Variants in CDH8 observed in about 807,000 individuals in gnomAD.
CDH8 encodes cadherin 8.
Under a neutral mutation model 68.1 loss-of-function variants are expected in CDH8, and 17 were observed. That is an observed-to-expected ratio of 0.25 (90% CI 0.17 to 0.37). The LOEUF (loss-of-function observed/expected upper bound fraction) is 0.37. Ranked by LOEUF, CDH8 falls within the 10% of genes least tolerant of loss-of-function variation. CDH8 has a pLI of 1.00. For missense variants in CDH8, 763 were observed against 999.3 expected, an observed-to-expected ratio of 0.76 and a Z score of 3.19; for synonymous variants, 372 against 365.1, an observed-to-expected ratio of 1.02 and a Z score of -0.21.
intron 10 of CDH8, chr16:61,692,174 G>A (rs1964237894): frequency 1.3e-5 from 2 of 152,102 alleles, no homozygotes; most frequent in Admixed American, 1.3e-4. Flanking sequence ...ATGTTTTTAT[G>A]AGAGTCACTC....
At chr16:61,729,200 C>T (rs949092259) in intron 8 of CDH8, among the ~76,000 whole-genome samples, 8 of 151,034 alleles carry the variant, frequency 5.3e-5, no homozygotes, top group Non-Finnish European at 1.5e-5. Flanking sequence ...GCATCAACTT[C>T]AAAATGTGAT....
chr16:61,767,013 A>G (rs1466683912), intron 8 of CDH8, among the ~76,000 whole-genome samples: 1 of 151,928 alleles, frequency 6.6e-6, no homozygotes, highest in East Asian at 1.9e-4. Context: ...TGGGCATTCT[A>G]TGCAGCAAGC....
chr16:62,034,052 G>A (rs995021357), intron 1 of CDH8, among the ~76,000 whole-genome samples: 2 of 152,158 alleles, frequency 1.3e-5, no homozygotes, highest in African/African-American at 2.4e-5. Context: ...GGAAAAACAT[G>A]TCTGGACATG....
At chr16:62,025,033 G>T (rs1902164132) in intron 1 of CDH8, among the ~76,000 whole-genome samples, 1 of 152,100 alleles carries the variant, frequency 6.6e-6, no homozygotes. Flanking sequence ...GTCTTAGAAG[G>T]TTTAAAAGAA....
chr16:61,769,422 T>C (rs1413598444), intron 8 of CDH8, among the ~76,000 whole-genome samples: 3 of 151,900 alleles, frequency 2.0e-5, no homozygotes, highest in Non-Finnish European at 4.4e-5. Context: ...ATGAGTACTT[T>C]GACTAACATT....
At chr16:61,720,541 T>C (rs992082170) in intron 9 of CDH8, among the ~76,000 whole-genome samples, 5 of 150,960 alleles carry the variant, frequency 3.3e-5, no homozygotes, top group Admixed American at 2.7e-4. Flanking sequence ...GAATAAAACG[T>C]GAAATTTGTA....
intron 3 of CDH8, among the ~76,000 whole-genome samples, chr16:61,894,257 T>TAAGAAATTCTATA (rs1963831084): frequency 6.6e-6 from 1 of 152,178 alleles, no homozygotes; most frequent in Non-Finnish European, 1.5e-5. Flanking sequence ...AGACAAATCT[T>TAAGAAATTCTATA]AAGAAATTCT....
Position 61,906,710 on chromosome 16 carries a change from A to G in CDH8, c.253-5237T>C, listed in dbSNP as rs1338608818. Among the ~76,000 whole-genome samples, 2 of 152,214 alleles carry G rather than the reference A, an allele frequency of 1.3e-5. 1 individual carries two copies. The highest frequency in any genetic ancestry group is 2.9e-5 in the Non-Finnish European group (2 of 68,034). Reference sequence around the variant, plus strand: ...TAAATATTTGTGGAGTAAAGTGAAAATAAAGGAATGGAAAGAAAGGAGATT... The same window carrying G: ...TAAATATTTGTGGAGTAAAGTGAAAGTAAAGGAATGGAAAGAAAGGAGATT... On this transcript the variant is annotated intron_variant, in intron 2 of 11. Coordinates refer to ENST00000577390, the MANE Select transcript of CDH8 (RefSeq NM_001796.5).
At chr16:62,018,291 C>A (rs79094707) in intron 2 of CDH8, among the ~76,000 whole-genome samples, 2 of 152,278 alleles carry the variant, frequency 1.3e-5, no homozygotes, top group African/African-American at 4.8e-5. Flanking sequence ...AAGAACCTAT[C>A]GCTCAAAAAC....
At chr16:61,703,096 T>C (rs973363485) in intron 10 of CDH8, among the ~76,000 whole-genome samples, 2 of 152,200 alleles carry the variant, frequency 1.3e-5, no homozygotes, top group Non-Finnish European at 2.9e-5. Context: ...CATAGATATG[T>C]AAACATGCTT....
chr16:61,782,291 C>T (rs1380389418), intron 8 of CDH8, among the ~76,000 whole-genome samples: 1 of 152,174 alleles, frequency 6.6e-6, no homozygotes, highest in Non-Finnish European at 1.5e-5. Context: ...CACAAGGGGT[C>T]AGGGAGTTCC....
chr16:61,703,363 TG>T (rs1219588455), intron 10 of CDH8, among the ~76,000 whole-genome samples: 2 of 152,150 alleles, frequency 1.3e-5, no homozygotes, highest in African/African-American at 4.8e-5. Flanking sequence ...TTTCTTCCTT[TG>T]AGAAAAAAGA....
intron 10 of CDH8, among the ~76,000 whole-genome samples, chr16:61,659,165 C>T (rs976369640): frequency 6.6e-6 from 1 of 152,146 alleles, no homozygotes; most frequent in South Asian, 2.1e-4. Flanking sequence ...TACAGATGTG[C>T]TTTCCAGTGA....
At chr16:61,927,965 A>T (rs1236467872) in intron 2 of CDH8, among the ~76,000 whole-genome samples, 8 of 152,372 alleles carry the variant, frequency 5.3e-5, no homozygotes, top group African/African-American at 1.9e-4. Context: ...TTATTTGTAT[A>T]ACCAGTCCTT....
intron 2 of CDH8, among the ~76,000 whole-genome samples, chr16:61,914,371 T>C (rs1048110166): frequency 2.0e-5 from 3 of 152,194 alleles, no homozygotes; most frequent in Non-Finnish European, 4.4e-5. Flanking sequence ...ATACTATGCA[T>C]AGATATGATT....
intron 2 of CDH8, among the ~76,000 whole-genome samples, chr16:61,935,661 C>T (rs1428855665): frequency 6.6e-6 from 1 of 151,846 alleles, no homozygotes; most frequent in Non-Finnish European, 1.5e-5. Context: ...TGGCTTTATG[C>T]TTATTATTTT....
intron 3 of CDH8, among the ~76,000 whole-genome samples, chr16:61,864,165 A>G (rs1384375129): frequency 6.6e-6 from 1 of 152,220 alleles, no homozygotes; most frequent in African/African-American, 2.4e-5. Context: ...GATGTTTTAA[A>G]TGTGTCAGAC....
chr16:61,834,058 G>T (rs1173390199), intron 4 of CDH8, among the ~76,000 whole-genome samples: 1 of 151,798 alleles, frequency 6.6e-6, no homozygotes, highest in Non-Finnish European at 1.5e-5. Context: ...TAAGAGAGAA[G>T]AAAATACTAC....
chr16:61,871,071 T>A (rs1963348524), intron 3 of CDH8, among the ~76,000 whole-genome samples: 1 of 152,148 alleles, frequency 6.6e-6, no homozygotes. Flanking sequence ...TGTTTTTGTA[T>A]AGACATTTAT....
Sources: gnomAD v4.1 joint callset for allele counts (sites outside exome capture counted in the v4.1 genomes callset) on GRCh38, gnomAD v4.1.1 for gene constraint, MANE v1.5 for transcripts, NCBI Gene and HGNC (gene_info 2026-07-23, HGNC 2026-07-21) for gene names.